Variants in PTPRN2 observed in about 807,000 individuals in gnomAD.
PTPRN2 encodes protein tyrosine phosphatase receptor type N2, also known as receptor-type tyrosine-protein phosphatase N2.
PTPRN2 carries 74 observed loss-of-function variants against 118.8 expected under a neutral mutation model. The ratio of observed to expected loss-of-function variants is 0.62; its 90% CI spans 0.52 to 0.76. PTPRN2 has a LOEUF of 0.76. Among genes scored for constraint, PTPRN2 ranks in the 30% least tolerant of loss-of-function variants. The probability of loss-of-function intolerance (pLI) is 0.00; values close to 1 mark genes in which losing one functional copy is unlikely to be tolerated. For missense variants in PTPRN2, 1,481 were observed against 1,394.4 expected (o/e 1.06, Z -0.99); for synonymous variants, 641 against 608.0 (o/e 1.05, Z -0.80).
At chr7:158,251,430 G>A (rs1228731215) in intron 3 of PTPRN2, among the ~76,000 whole-genome samples, 1 of 151,960 alleles carries the variant, frequency 6.6e-6, no homozygotes, top group African/African-American at 2.4e-5. Context: ...GTGTGCAATG[G>A]ATGTATATGG....
At chr7:158,369,527 G>T (rs1809800409) in intron 2 of PTPRN2, among the ~76,000 whole-genome samples, 1 of 152,088 alleles carries the variant, frequency 6.6e-6, no homozygotes, top group African/African-American at 2.4e-5. Flanking sequence ...GAACCGAGAG[G>T]AAACGCCTCC....
intron 11 of PTPRN2, among the ~76,000 whole-genome samples, chr7:158,036,079 A>G (rs73171524): frequency 1.4e-3 from 214 of 152,350 alleles, no homozygotes; most frequent in Non-Finnish European, 2.6e-3. Context: ...AGGAAATACA[A>G]AGATGTCTGT....
chr7:158,408,733 A>G (rs1319536159), intron 2 of PTPRN2, among the ~76,000 whole-genome samples: 1 of 152,240 alleles, frequency 6.6e-6, no homozygotes, highest in Non-Finnish European at 1.5e-5. Flanking sequence ...GACTACAGCA[A>G]TAACTAAGCC....
At chr7:157,697,196 C>T (rs1354108270) in intron 12 of PTPRN2, among the ~76,000 whole-genome samples, 8 of 50,684 alleles carry the variant, frequency 1.6e-4, no homozygotes, top group Non-Finnish European at 2.8e-4. Context: ...TTGGCAGAGC[C>T]CTCACCATCT....
intron 6 of PTPRN2, among the ~76,000 whole-genome samples, chr7:158,148,724 G>C (rs1262482702): frequency 2.1e-5 from 1 of 47,400 alleles, no homozygotes; most frequent in African/African-American, 9.6e-5. Flanking sequence ...CTCACGCCAC[G>C]TGTCTTTCCC....
intron 14 of PTPRN2, among the ~76,000 whole-genome samples, chr7:157,643,564 C>T (rs147207124): frequency 6.1e-4 from 93 of 152,306 alleles, no homozygotes; most frequent in African/African-American, 1.9e-3. Context: ...TGCTGCAGGA[C>T]GGGCACACCC....
rs556478517 is a variant in PTPRN2 at position 158,142,553 on chromosome 7, AG to A, written c.911-4039del. ...AAGGGAAACGCAGGGATTGGCATGGAGGCCGCGTACTCTTCTGTTTTTTCAT... is the reference window on the plus strand; with the variant it reads ...AAGGGAAACGCAGGGATTGGCATGGAGCCGCGTACTCTTCTGTTTTTTCAT... On this transcript the variant is annotated intron_variant, in intron 6 of 22. Coordinates refer to ENST00000389418, the MANE Select transcript of PTPRN2 (RefSeq NM_002847.5). 2.2e-3 allele frequency among the ~76,000 whole-genome samples: 336 copies of A among 152,280 alleles called. 1 individual carries two copies. The highest frequency in any genetic ancestry group is 7.7e-3 in the African/African-American group (321 of 41,564).
intron 5 of PTPRN2, among the ~76,000 whole-genome samples, chr7:158,173,368 C>T (rs577392914): frequency 2.6e-5 from 4 of 152,276 alleles, no homozygotes; most frequent in Admixed American, 6.5e-5. Context: ...GGTAACATCA[C>T]ATATTGGCAG....
chr7:158,017,028 A>G (rs2128873046), intron 11 of PTPRN2, among the ~76,000 whole-genome samples: 1 of 152,364 alleles, frequency 6.6e-6, no homozygotes, highest in South Asian at 2.1e-4. Flanking sequence ...TTAAAGAGAA[A>G]AAAAGTGTGC....
At chr7:158,508,434 C>T (rs1442489422) in intron 1 of PTPRN2, among the ~76,000 whole-genome samples, 1 of 152,060 alleles carries the variant, frequency 6.6e-6, no homozygotes, top group East Asian at 1.9e-4. Flanking sequence ...TCATCAGGGC[C>T]AGGATGACAG....
At chr7:157,836,787 T>C (rs975601010) in intron 12 of PTPRN2, among the ~76,000 whole-genome samples, 1 of 152,178 alleles carries the variant, frequency 6.6e-6, no homozygotes, top group African/African-American at 2.4e-5. Flanking sequence ...GCCTGGACCA[T>C]TTTTAATTGC....
intron 5 of PTPRN2, among the ~76,000 whole-genome samples, chr7:158,176,134 A>G (rs1240366047): frequency 6.6e-6 from 1 of 152,134 alleles, no homozygotes; most frequent in East Asian, 1.9e-4. Context: ...TGGCCTTTCC[A>G]GAAGCTGCAC....
chr7:158,069,540 G>A (rs548125034), intron 11 of PTPRN2, among the ~76,000 whole-genome samples: 7 of 143,016 alleles, frequency 4.9e-5, no homozygotes, highest in African/African-American at 1.9e-4. Context: ...TGACAGGCTC[G>A]GCCGCCACGC....
intron 2 of PTPRN2, among the ~76,000 whole-genome samples, chr7:158,320,278 A>T (rs114775087): frequency 0.016 from 2,409 of 152,290 alleles, 72 homozygotes; most frequent in African/African-American, 0.055. Context: ...GGTAAAGACC[A>T]ACACGAGTGA....
intron 3 of PTPRN2, among the ~76,000 whole-genome samples, chr7:158,267,906 C>T (rs183767288): frequency 4.8e-4 from 73 of 152,296 alleles, no homozygotes; most frequent in African/African-American, 1.7e-3. Context: ...ACCTCACCTC[C>T]CTGCCACCTC....
intron 2 of PTPRN2, among the ~76,000 whole-genome samples, chr7:158,479,849 G>A (rs1393793779): frequency 6.6e-6 from 1 of 152,238 alleles, no homozygotes; most frequent in East Asian, 1.9e-4. Context: ...GCGCAAGCCA[G>A]CTCTGCGGCG....
chr7:158,554,170 G>A (rs2129450381), intron 1 of PTPRN2, among the ~76,000 whole-genome samples: 1 of 152,350 alleles, frequency 6.6e-6, no homozygotes, highest in Non-Finnish European at 1.5e-5. Context: ...GGAGGCTGAG[G>A]CATGAGAATT....
chr7:157,548,837 CG>C, intron 22 of PTPRN2, 108 bp downstream of exon 22: 1 of 1,106,856 alleles, frequency 9.0e-7, no homozygotes, highest in South Asian at 1.3e-5. Context: ...GCAGAGCAAT[CG>C]GTGTGCGGCT....
chr7:158,345,412 A>G (rs901417403), intron 2 of PTPRN2, among the ~76,000 whole-genome samples: 1 of 152,236 alleles, frequency 6.6e-6, no homozygotes. Flanking sequence ...TTTTATGAAG[A>G]GTAAGCTTCG....
Sources: allele counts gnomAD v4.1 joint callset (sites outside exome capture counted in the v4.1 genomes callset), GRCh38; gene constraint gnomAD v4.1.1; transcripts MANE v1.5; gene names NCBI Gene and HGNC (gene_info 2026-07-23, HGNC 2026-07-21).